Variants in CHD2 observed in about 807,000 individuals in gnomAD.
CHD2 encodes the protein chromodomain helicase DNA binding protein 2, also known as ATP-dependent chromatin remodeler CHD2.
In CHD2, 28 loss-of-function variants were observed where a neutral mutation model predicts 243.9. That is an observed-to-expected ratio of 0.11 (90% CI 0.09 to 0.16). CHD2 has a LOEUF of 0.16. Ranked by LOEUF, CHD2 falls within the 10% of genes least tolerant of loss-of-function variation. The pLI, the probability that CHD2 is intolerant of heterozygous loss-of-function variation, is 1.00. For missense variants in CHD2, 1,386 were observed against 2,209.8 expected, an observed-to-expected ratio of 0.63 and a Z score of 7.47; for synonymous variants, 775 against 779.0, an observed-to-expected ratio of 0.99 and a Z score of 0.09.
chr15:92,959,177 A>G (rs2053654204), intron 16 of CHD2, among the ~76,000 whole-genome samples: 1 of 152,224 alleles, frequency 6.6e-6, no homozygotes, highest in Admixed American at 6.5e-5. Flanking sequence ...TATGGACACG[A>G]AGACTTGCTT....
At chr15:93,002,717 T>C (rs7170909) in intron 33 of CHD2, among the ~76,000 whole-genome samples, 2,046 of 152,326 alleles carry the variant, frequency 0.013, 40 homozygotes, top group African/African-American at 0.047. Context: ...GCAAGAGTTA[T>C]TGGAATATAA....
intron 2 of CHD2, among the ~76,000 whole-genome samples, chr15:92,909,506 T>C (rs554036469): frequency 6.9e-4 from 105 of 152,210 alleles, no homozygotes; most frequent in Non-Finnish European, 1.3e-3. Flanking sequence ...AGTCTCACTC[T>C]GCTGTGCTGG....
At chr15:93,006,804 T>A (rs1428329657) in intron 34 of CHD2, among the ~76,000 whole-genome samples, 1 of 152,224 alleles carries the variant, frequency 6.6e-6, no homozygotes, top group Non-Finnish European at 1.5e-5. Context: ...AAACTGTAAT[T>A]GGCACTTGTG....
At chr15:93,013,206 G>A (rs891596256) in intron 36 of CHD2, among the ~76,000 whole-genome samples, 1 of 152,184 alleles carries the variant, frequency 6.6e-6, no homozygotes, top group African/African-American at 2.4e-5. Flanking sequence ...CCCTCAAGTA[G>A]TTGATGATTT....
At chr15:93,002,449 G>A in intron 33 of CHD2, 132 bp downstream of exon 33, 1 of 1,405,538 alleles carries the variant, frequency 7.1e-7, no homozygotes, top group Non-Finnish European at 9.4e-7. Context: ...AGGATGGGTG[G>A]GGCCGTTGAT....
intron 16 of CHD2, among the ~76,000 whole-genome samples, chr15:92,966,216 A>G (rs560067640): frequency 3.3e-5 from 5 of 151,836 alleles, no homozygotes; most frequent in Admixed American, 1.3e-4. Context: ...GGCACTTGCC[A>G]CCATGCCCAG....
At chr15:92,956,714 T>C (rs1243060205) in intron 16 of CHD2, 65 bp downstream of exon 16, 3 of 1,465,842 alleles carry the variant, frequency 2.0e-6, no homozygotes, top group Non-Finnish European at 2.8e-6. Context: ...CTTTTTAACT[T>C]TCTTAGTAGA....
intron 34 of CHD2, among the ~76,000 whole-genome samples, chr15:93,005,367 G>A (rs755274936): frequency 6.6e-6 from 1 of 152,106 alleles, no homozygotes; most frequent in Non-Finnish European, 1.5e-5. Flanking sequence ...GCATGGACCA[G>A]GTCTTGCACG....
At chr15:93,018,449 G>A (rs1160901865) in intron 37 of CHD2, among the ~76,000 whole-genome samples, 1 of 152,208 alleles carries the variant, frequency 6.6e-6, no homozygotes, top group Non-Finnish European at 1.5e-5. Context: ...TTGGTGGCAT[G>A]TCTTTGATCT....
chr15:92,935,082 C>G (rs1053360299), intron 5 of CHD2, among the ~76,000 whole-genome samples: 2 of 148,538 alleles, frequency 1.3e-5, no homozygotes, highest in African/African-American at 5.0e-5. Flanking sequence ...GTCACCTAGG[C>G]TGGAGTGCAG....
chr15:92,945,761 C>T (rs2141794723), intron 10 of CHD2, 60 bp from the exon 11 acceptor site: 1 of 1,138,956 alleles, frequency 8.8e-7, no homozygotes, highest in Non-Finnish European at 1.2e-6. Flanking sequence ...TCATAGAACC[C>T]AAAATCTTTC....
At chr15:92,924,011 C>A (rs2053010756) in intron 2 of CHD2, among the ~76,000 whole-genome samples, 1 of 152,188 alleles carries the variant, frequency 6.6e-6, no homozygotes, top group Non-Finnish European at 1.5e-5. Flanking sequence ...TTATGAGCCT[C>A]AGTTCAGCCT....
chr15:92,902,593 A>T (rs1358840691), intron 2 of CHD2: 1 of 155,182 alleles, frequency 6.4e-6, no homozygotes, highest in Admixed American at 6.5e-5. Flanking sequence ...AAGTTACCAA[A>T]TTTTTTTGCA....
chr15:92,943,059 T>C lies in CHD2; in HGVS notation c.1043T>C (p.Ile348Thr). 6.2e-7 allele frequency: 1 copy of C among 1,610,410 alleles called. No homozygotes were observed. The highest frequency in any genetic ancestry group is 8.5e-7 in the Non-Finnish European group (1 of 1,177,024). The change falls in exon 9 of 39, where the codon ATC becomes ACC. Residue 348 changes from isoleucine (I) to threonine (T), a missense_variant. Transcript: ENST00000394196. ...AACTTCAAGAAAAAAGAGGACGAAA[T>C]CAAACAATGGTATATTTTCCATCAT... ...LENFKKKEDE[I>T]KQWLGKVSPE...
chr15:92,975,043 T>C, intron 20 of CHD2, 93 bp downstream of exon 20: 3 of 994,904 alleles, frequency 3.0e-6, no homozygotes, highest in Non-Finnish European at 4.6e-6. Flanking sequence ...TCAGAAACAA[T>C]TTATAGTGCA....
intron 2 of CHD2, among the ~76,000 whole-genome samples, chr15:92,903,139 C>T (rs1567115958): frequency 6.6e-6 from 1 of 152,170 alleles, no homozygotes; most frequent in Admixed American, 6.5e-5. Flanking sequence ...CCCTAAATTT[C>T]ATATCTTAAT....
intron 37 of CHD2, 76 bp from the exon 38 acceptor site, chr15:93,019,934 CAA>C (rs57995034): frequency 6.2e-5 from 87 of 1,407,500 alleles, no homozygotes; most frequent in Admixed American, 4.1e-4. Flanking sequence ...ACTCCATCTC[CAA>C]AAAAAAAAAA....
In CHD2 at chr15:92,908,324, C is replaced by T. The variant is rs1447531483; in HGVS notation, c.62+7025C>T. Among the ~76,000 whole-genome samples the T allele has an allele frequency of 2.0e-5, 3 of 152,178 alleles. No homozygotes were observed. In the East Asian group the frequency reaches 5.8e-4, roughly 29 times the overall value. ...CTTGCTTTCAGTGTTCAGTCTAAAC[C>T]ATAGGACTATATATTTGTCTTAGCA... On this transcript the variant is annotated intron_variant, in intron 2 of 38. Transcript: ENST00000394196.
chr15:92,920,221 A>G (rs148099033), intron 2 of CHD2, among the ~76,000 whole-genome samples: 94 of 152,332 alleles, frequency 6.2e-4, no homozygotes, highest in African/African-American at 2.1e-3. Context: ...ACAAACTCAA[A>G]AACACATAGC....
Sources: allele counts gnomAD v4.1 joint callset (sites outside exome capture counted in the v4.1 genomes callset), GRCh38; gene constraint gnomAD v4.1.1; transcripts MANE v1.5; gene names NCBI Gene and HGNC (gene_info 2026-07-23, HGNC 2026-07-21).